Variants in NEGR1 observed in about 807,000 individuals in gnomAD.
NEGR1 encodes neuronal growth regulator 1.
A neutral mutation model predicts 40.9 loss-of-function variants in NEGR1; 10 were observed. That is an observed-to-expected ratio of 0.24 (90% CI 0.15 to 0.42). The LOEUF is 0.42. Among genes scored for constraint, NEGR1 ranks in the 10% least tolerant of loss-of-function variants. The probability of loss-of-function intolerance (pLI) is 1.00; values close to 1 mark genes in which losing one functional copy is unlikely to be tolerated. For synonymous variants in NEGR1, 185 were observed against 166.8 expected (o/e 1.11, Z -0.84); for missense variants, 352 against 438.9 (o/e 0.80, Z 1.77).
intron 3 of NEGR1, among the ~76,000 whole-genome samples, chr1:71,747,497 T>A (rs746584499): frequency 6.6e-6 from 1 of 151,952 alleles, no homozygotes; most frequent in Non-Finnish European, 1.5e-5. Context: ...TGACCTCAGT[T>A]CAATGCAGCT....
chr1:72,223,022 T>C (rs1654063304), intron 1 of NEGR1, among the ~76,000 whole-genome samples: 1 of 152,208 alleles, frequency 6.6e-6, no homozygotes, highest in African/African-American at 2.4e-5. Context: ...ATTTAAAATA[T>C]GGCTAATGTG....
chr1:71,844,945 GT>G (rs1659356848), intron 2 of NEGR1, among the ~76,000 whole-genome samples: 1 of 152,150 alleles, frequency 6.6e-6, no homozygotes, highest in African/African-American at 2.4e-5. Context: ...TTCTATAGGA[GT>G]TCAGATTTGC....
intron 1 of NEGR1, among the ~76,000 whole-genome samples, chr1:72,077,950 T>C (rs968576324): frequency 3.9e-5 from 6 of 152,298 alleles, no homozygotes; most frequent in Non-Finnish European, 7.3e-5. Context: ...GGTACAATTG[T>C]AGTATAGTAA....
intron 6 of NEGR1, among the ~76,000 whole-genome samples, chr1:71,589,459 C>T (rs1211748289): frequency 6.6e-6 from 1 of 152,172 alleles, no homozygotes. Context: ...TGTCTCCATT[C>T]TGGACTTTAT....
intron 6 of NEGR1, among the ~76,000 whole-genome samples, chr1:71,530,935 A>C (rs1232593239): frequency 6.6e-6 from 1 of 150,972 alleles, no homozygotes; most frequent in East Asian, 2.0e-4. Context: ...TTTAACCTAC[A>C]CTTCTATCAT....
intron 6 of NEGR1, among the ~76,000 whole-genome samples, chr1:71,527,140 G>A (rs1221358118): frequency 1.3e-5 from 2 of 151,390 alleles, no homozygotes; most frequent in African/African-American, 4.8e-5. Flanking sequence ...AATCTGTTTT[G>A]TTTTCATGTC....
In NEGR1 at chr1:71,592,913, G is replaced by C; in HGVS notation, c.844C>G (p.Leu282Val). The C allele has an allele frequency of 6.2e-7, 1 of 1,611,686 alleles. No individual in the cohort carries two copies. ...IIQNFSTRSI[L>V]TVTNVTQEHF... ...TCCTGTGTCACGTTGGTAACAGTGA[G>C]AATGGATCTTGTGCTAAAATTTTGA... Residue 282 changes from leucine to valine, a missense_variant, in exon 6 of 7, where the codon CTC becomes GTC. By Grantham distance (32) the Leu-to-Val change is conservative. Coordinates refer to ENST00000357731, the MANE Select transcript of NEGR1 (RefSeq NM_173808.3).
At chr1:71,439,297 T>C (rs1646531113) in intron 6 of NEGR1, among the ~76,000 whole-genome samples, 1 of 152,194 alleles carries the variant, frequency 6.6e-6, no homozygotes, top group African/African-American at 2.4e-5. Flanking sequence ...CGAGCAAAAG[T>C]GGAAGGTGTT....
intron 4 of NEGR1, among the ~76,000 whole-genome samples, chr1:71,612,200 C>T (rs1175758770): frequency 1.3e-5 from 2 of 152,054 alleles, no homozygotes; most frequent in East Asian, 1.9e-4. Context: ...CCAGCCTGGG[C>T]GACACAGCAA....
At chr1:71,847,322 C>G (rs1415348637) in intron 2 of NEGR1, among the ~76,000 whole-genome samples, 2 of 152,042 alleles carry the variant, frequency 1.3e-5, no homozygotes, top group Non-Finnish European at 1.5e-5. Context: ...ATTTTATTAT[C>G]TTCCTTTCAT....
At chr1:71,412,282 A>G (rs183500803) in intron 6 of NEGR1, among the ~76,000 whole-genome samples, 7 of 152,242 alleles carry the variant, frequency 4.6e-5, no homozygotes, top group Non-Finnish European at 8.8e-5. Flanking sequence ...TTAAGCCTAG[A>G]TGGCCTTCTT....
At chr1:71,855,998 T>C (rs747036751) in intron 2 of NEGR1, among the ~76,000 whole-genome samples, 4 of 152,068 alleles carry the variant, frequency 2.6e-5, no homozygotes, top group Non-Finnish European at 5.9e-5. Flanking sequence ...TACAGTTATG[T>C]GTCTCAGCAT....
chr1:71,617,845 T>A (rs1382193044), intron 4 of NEGR1, among the ~76,000 whole-genome samples: 1 of 152,204 alleles, frequency 6.6e-6, no homozygotes, highest in Non-Finnish European at 1.5e-5. Context: ...TAAAGGTGGA[T>A]AACTGAGCAG....
intron 6 of NEGR1, among the ~76,000 whole-genome samples, chr1:71,551,972 G>C (rs113368677): frequency 1.1e-4 from 16 of 150,972 alleles, no homozygotes; most frequent in Non-Finnish European, 2.2e-4. Flanking sequence ...TTTAGAATAC[G>C]CTATATATTG....
At chr1:72,195,161 C>T (rs887423851) in intron 1 of NEGR1, among the ~76,000 whole-genome samples, 8 of 151,734 alleles carry the variant, frequency 5.3e-5, no homozygotes, top group Admixed American at 1.3e-4. Context: ...AACTGAAGGA[C>T]GTTCATTATT....
At chr1:71,760,179 G>T (rs1168935734) in intron 3 of NEGR1, among the ~76,000 whole-genome samples, 1 of 152,098 alleles carries the variant, frequency 6.6e-6, no homozygotes, top group African/African-American at 2.4e-5. Context: ...TTTATGAAAT[G>T]TTTGGTGGGT....
At chr1:72,111,257 T>C (rs956136450) in intron 1 of NEGR1, among the ~76,000 whole-genome samples, 1 of 151,676 alleles carries the variant, frequency 6.6e-6, no homozygotes, top group Admixed American at 6.6e-5. Flanking sequence ...GTAACACTAG[T>C]GCCCATGCCA....
At chr1:72,249,641 G>T (rs1655019666) in intron 1 of NEGR1, among the ~76,000 whole-genome samples, 1 of 152,054 alleles carries the variant, frequency 6.6e-6, no homozygotes, top group African/African-American at 2.4e-5. Flanking sequence ...GGTACTAAAG[G>T]ATTTCACAAA....
At chr1:71,764,824 T>C (rs1249819470) in intron 3 of NEGR1, among the ~76,000 whole-genome samples, 1 of 152,218 alleles carries the variant, frequency 6.6e-6, no homozygotes, top group Non-Finnish European at 1.5e-5. Flanking sequence ...AGCTTGATAA[T>C]GGGTGCCTCA....
Sources: gnomAD v4.1 joint callset for allele counts (sites outside exome capture counted in the v4.1 genomes callset) on GRCh38, gnomAD v4.1.1 for gene constraint, MANE v1.5 for transcripts, NCBI Gene and HGNC (gene_info 2026-07-23, HGNC 2026-07-21) for gene names.